GTF2I: variants seen among roughly 807,000 people sequenced by gnomAD.
GTF2I encodes the protein general transcription factor IIi, also known as general transcription factor II-I.
GTF2I carries 12 observed loss-of-function variants against 67.6 expected under a neutral mutation model. The observed-to-expected ratio is 0.18, with a 90% confidence interval of 0.11 to 0.29. The LOEUF is 0.29. Among genes scored for constraint, GTF2I ranks in the 10% least tolerant of loss-of-function variants. The probability of loss-of-function intolerance (pLI) is 1.00; values close to 1 mark genes in which losing one functional copy is unlikely to be tolerated. For missense variants in GTF2I, 271 were observed against 580.1 expected, an observed-to-expected ratio of 0.47 and a Z score of 5.47; for synonymous variants, 149 against 197.0, an observed-to-expected ratio of 0.76 and a Z score of 2.04.
At chr7:74,688,147 C>T (rs587727658) in intron 1 of GTF2I, among the ~76,000 whole-genome samples, 6 of 152,232 alleles carry the variant, frequency 3.9e-5, no homozygotes, top group Admixed American at 6.5e-5. Context: ...GGCGTGATCT[C>T]GGCTCACTGC....
intron 3 of GTF2I, among the ~76,000 whole-genome samples, chr7:74,693,960 C>T (rs1444764118): frequency 2.0e-5 from 3 of 152,132 alleles, no homozygotes; most frequent in African/African-American, 7.2e-5. Context: ...AATGATGAAG[C>T]TTAGTGAGGA....
At chr7:74,691,204 C>CT in intron 3 of GTF2I, 93 bp downstream of exon 3, 1 of 850,716 alleles carries the variant, frequency 1.2e-6, no homozygotes. Context: ...TTCTTTCTTT[C>CT]TTTCTTTTTT....
intron 3 of GTF2I, among the ~76,000 whole-genome samples, chr7:74,698,279 C>T (rs782279529): frequency 1.1e-4 from 16 of 150,740 alleles, no homozygotes; most frequent in Admixed American, 7.3e-4. Context: ...TTAGTAGAGA[C>T]GGTGGTTTCA....
intron 1 of GTF2I, among the ~76,000 whole-genome samples, chr7:74,680,163 CACAT>C (rs1242756177): frequency 5.0e-5 from 7 of 138,706 alleles, no homozygotes; most frequent in African/African-American, 1.1e-4. Context: ...TGTATATACA[CACAT>C]ATATATAATT....
intron 1 of GTF2I, among the ~76,000 whole-genome samples, chr7:74,668,173 CTT>C (rs781864782): frequency 5.1e-4 from 47 of 92,960 alleles, no homozygotes; most frequent in African/African-American, 1.3e-3. Flanking sequence ...TGGTGCAGAA[CTT>C]TTTTTTTTTT....
intron 12 of GTF2I, among the ~76,000 whole-genome samples, chr7:74,722,249 G>A (rs587722919): frequency 2.0e-5 from 3 of 152,246 alleles, no homozygotes; most frequent in South Asian, 2.1e-4. Context: ...CATTTGTGGC[G>A]TTTTATTTGT....
At chr7:74,682,635 A>AT (rs1291426369) in intron 1 of GTF2I, among the ~76,000 whole-genome samples, 1 of 152,132 alleles carries the variant, frequency 6.6e-6, no homozygotes, top group Non-Finnish European at 1.5e-5. Flanking sequence ...ATTATAAGTA[A>AT]TTTTTTCACG....
At chr7:74,679,619 TTTGA>T (rs1338722135) in intron 1 of GTF2I, among the ~76,000 whole-genome samples, 2 of 152,292 alleles carry the variant, frequency 1.3e-5, no homozygotes, top group Admixed American at 6.5e-5. Flanking sequence ...CCTGCCATTC[TTTGA>T]TTGTTATTAT....
chr7:74,704,754 T>A (rs1790365046), intron 6 of GTF2I, among the ~76,000 whole-genome samples: 1 of 148,152 alleles, frequency 6.7e-6, no homozygotes, highest in African/African-American at 2.5e-5. Flanking sequence ...CTCAGGAGGC[T>A]GAGGTAGGAG....
At chr7:74,716,447 G>GA (rs1179124907) in intron 10 of GTF2I, among the ~76,000 whole-genome samples, 1 of 152,078 alleles carries the variant, frequency 6.6e-6, no homozygotes, top group African/African-American at 2.4e-5. Context: ...AGTGAAAATG[G>GA]AAAGCATGAA....
chr7:74,668,771 A>G (rs1376445773), intron 1 of GTF2I, among the ~76,000 whole-genome samples: 2 of 151,876 alleles, frequency 1.3e-5, no homozygotes, highest in Non-Finnish European at 2.9e-5. Context: ...ATGGGGTTTC[A>G]CCATGTTGGC....
chr7:74,720,002 A>G (rs1554404273), intron 12 of GTF2I, among the ~76,000 whole-genome samples: 1 of 152,244 alleles, frequency 6.6e-6, no homozygotes, highest in Non-Finnish European at 1.5e-5. Context: ...TCTTGTGGTA[A>G]AATGTGAAAA....
chr7:74,696,039 T>G (rs1415749249), intron 3 of GTF2I, among the ~76,000 whole-genome samples: 2 of 152,052 alleles, frequency 1.3e-5, no homozygotes, highest in African/African-American at 4.8e-5. Flanking sequence ...TCACCCAGGC[T>G]GGAGTGCAGT....
At chr7:74,749,864 G>A in intron 26 of GTF2I, among the ~76,000 whole-genome samples, 1 of 138,540 alleles carries the variant, frequency 7.2e-6, no homozygotes, top group African/African-American at 2.6e-5. Context: ...CTCCAGCCTG[G>A]GCAGCAAGAG....
chr7:74,680,657 G>T (rs1180517451), intron 1 of GTF2I, among the ~76,000 whole-genome samples: 1 of 152,100 alleles, frequency 6.6e-6, no homozygotes, highest in African/African-American at 2.4e-5. Context: ...TGGGAAGATC[G>T]CTTGAACACA....
rs372473414 is a variant in GTF2I at position 74,700,748 on chromosome 7, C to T, written c.586+114C>T. On this transcript the variant is annotated intron_variant, in intron 6 of 34. Transcript: ENST00000573035. ...TTGAGAATATGATGTCAGACATTTT[C>T]GGATGGGCTGTTTAGATGTTTATAT... is the stretch of plus-strand genomic sequence containing the variant. 7.4e-5 allele frequency: 76 copies of T among 1,021,604 alleles called. No individual in the cohort carries two copies. The East Asian group carries it at 1.2e-3, about 17-fold the overall frequency. The allele number at this position is 1,021,604 out of a possible 1,614,324, so 63.3% of individuals were successfully genotyped here. A position where few individuals can be genotyped will look rare whatever the true frequency, so the allele number is the denominator to read the frequency against.
Position 74,700,262 on chromosome 7 carries a change from A to G in GTF2I, c.389A>G (p.Lys130Arg), listed in dbSNP as rs1584187902. Residue 130 changes from lysine (K) to arginine (R), a missense_variant, in exon 5 of 35, where the codon AAA becomes AGA. This residue lies in a region of GTF2I where 38 missense variants were observed against 87.8 expected (regional missense o/e 0.43). Transcript: ENST00000573035. ...FCFCYGKALG[K>R]STVVPVPYEK... Reference sequence around the variant, plus strand: ...TCTGCCCCAGGGAAAGCTTTAGGCAAATCCACAGTGGTACCTGTACCATAT... The same window carrying G: ...TCTGCCCCAGGGAAAGCTTTAGGCAGATCCACAGTGGTACCTGTACCATAT... The G allele has an allele frequency of 6.2e-7, 1 of 1,614,140 alleles. No homozygotes were observed.
At chr7:74,682,778 T>C (rs1787378131) in intron 1 of GTF2I, among the ~76,000 whole-genome samples, 1 of 152,136 alleles carries the variant, frequency 6.6e-6, no homozygotes. Context: ...GACTATAAAA[T>C]AACTGCCCCA....
At position 74,690,926 on chromosome 7, in the gene GTF2I, C is replaced by G. The variant is rs782747450; in HGVS notation, c.100-47C>G. ...TTTAATTCATCGAGCAGAAATGATG[C>G]TCTTAAACGTCCGCCTGTAACATGA... On this transcript the variant is annotated intron_variant, in intron 2 of 34. Coordinates refer to ENST00000573035, the MANE Select transcript of GTF2I (RefSeq NM_032999.4). 7.7e-6 allele frequency: 12 copies of G among 1,561,602 alleles called. No homozygotes were observed. In the East Asian group the frequency reaches 2.3e-4, roughly 29 times the overall value.
Sources: allele counts gnomAD v4.1 joint callset (sites outside exome capture counted in the v4.1 genomes callset), GRCh38; gene constraint gnomAD v4.1.1; regional missense constraint gnomAD v4.1.1; transcripts MANE v1.5; gene names NCBI Gene and HGNC (gene_info 2026-07-23, HGNC 2026-07-21).